Variants in DHX57 observed in about 807,000 individuals in gnomAD.
DHX57 encodes DExH-box helicase 57.
A neutral mutation model predicts 156.2 loss-of-function variants in DHX57; 105 were observed. That is an observed-to-expected ratio of 0.67 (90% CI 0.57 to 0.79). DHX57 has a LOEUF of 0.79. Among genes scored for constraint, DHX57 ranks in the 30% least tolerant of loss-of-function variants. The probability of loss-of-function intolerance (pLI) is 0.00; values close to 1 mark genes in which losing one functional copy is unlikely to be tolerated. For missense variants in DHX57, 1,847 were observed against 1,661.9 expected (o/e 1.11, Z -1.94); for synonymous variants, 704 against 595.6 (o/e 1.18, Z -2.65).
intron 21 of DHX57, 117 bp from the exon 22 acceptor site, chr2:38,806,810 G>T: frequency 1.2e-5 from 11 of 934,504 alleles, no homozygotes; most frequent in African/African-American, 1.7e-5. Context: ...TAGCTTTCCT[G>T]TTTGTTCCCT....
chr2:38,851,185 A>G (rs151296201), intron 9 of DHX57, among the ~76,000 whole-genome samples: 1 of 152,294 alleles, frequency 6.6e-6, no homozygotes, highest in East Asian at 1.9e-4. Flanking sequence ...CTCTCTTTCT[A>G]CCATATCCCT....
At chr2:38,858,910 A>G in intron 5 of DHX57, 74 bp from the exon 6 acceptor site, 1 of 1,458,190 alleles carries the variant, frequency 6.9e-7, no homozygotes, top group Non-Finnish European at 9.2e-7. Context: ...GCTGTCTAAC[A>G]GAGTATCAAC....
intron 21 of DHX57, among the ~76,000 whole-genome samples, chr2:38,807,783 G>C (rs1250624686): frequency 2.0e-5 from 3 of 151,866 alleles, no homozygotes; most frequent in African/African-American, 4.8e-5. Flanking sequence ...AAGTAGCTGG[G>C]ATTACAGGCA....
chr2:38,821,024 A>G (rs972693939), intron 17 of DHX57, among the ~76,000 whole-genome samples: 9 of 152,136 alleles, frequency 5.9e-5, no homozygotes, highest in African/African-American at 1.4e-4. Context: ...AAATAATACA[A>G]ATATGTTCTC....
chr2:38,851,815 A>T (rs1178288116), intron 9 of DHX57, among the ~76,000 whole-genome samples: 1 of 152,208 alleles, frequency 6.6e-6, no homozygotes, highest in East Asian at 1.9e-4. Flanking sequence ...AAATACCATT[A>T]ATCTGAGAGA....
intron 14 of DHX57, among the ~76,000 whole-genome samples, chr2:38,827,481 G>A (rs1384192127): frequency 1.4e-4 from 1 of 7,126 alleles, no homozygotes; most frequent in African/African-American, 2.5e-4. Flanking sequence ...GCGAGACTCT[G>A]TCTCAAAAAA....
rs1486551123 is a variant in DHX57 at position 38,828,383 on chromosome 2, G to A, written c.2596C>T (p.Gln866Ter). The change falls in exon 14 of 24, where the codon CAG becomes TAG. Residue 866 changes from glutamine (Q) to a stop codon, truncating the protein, a stop_gained. Coordinates refer to ENST00000457308, the MANE Select transcript of DHX57 (RefSeq NM_198963.3). LOFTEE classifies it high-confidence loss of function. ...TTGAAAAGAGAATTAGACTGTAGCT[G>A]TTCATAAAGCATTTTGATTTCTGCT... The part of the protein sequence containing the change: ...GLAEIKMLYE[Q>*]LQSNSLFNNR... 1 of 1,613,550 alleles carries A rather than the reference G, an allele frequency of 6.2e-7. No homozygotes were observed. Among genetic ancestry groups the A allele is most frequent in the East Asian group, 2.2e-5 (1 of 44,842 alleles).
intron 13 of DHX57, among the ~76,000 whole-genome samples, chr2:38,832,927 G>A (rs1259214797): frequency 2.0e-5 from 3 of 150,608 alleles, no homozygotes; most frequent in African/African-American, 7.3e-5. Context: ...CCTAAATGCT[G>A]TAGGCACTGT....
At chr2:38,818,983 C>A in intron 18 of DHX57, 23 bp from the exon 19 acceptor site, 1 of 1,614,166 alleles carries the variant, frequency 6.2e-7, no homozygotes, top group Non-Finnish European at 8.5e-7. Context: ...GAAAATCAAA[C>A]TGAACTTACT....
At chr2:38,835,859 G>T (rs1017357697) in intron 13 of DHX57, among the ~76,000 whole-genome samples, 2 of 152,214 alleles carry the variant, frequency 1.3e-5, no homozygotes, top group Non-Finnish European at 2.9e-5. Context: ...TCATAAAAGA[G>T]ACTATGGATA....
intron 1 of DHX57, among the ~76,000 whole-genome samples, chr2:38,870,048 G>C (rs149618513): frequency 6.6e-5 from 10 of 152,194 alleles, no homozygotes; most frequent in African/African-American, 2.2e-4. Flanking sequence ...TTCTGGAGTT[G>C]AAAAGTATAC....
chr2:38,813,708 T>G, intron 21 of DHX57, 113 bp downstream of exon 21: 1 of 1,249,408 alleles, frequency 8.0e-7, no homozygotes. Context: ...TGTGCGTGTG[T>G]GCACACATGC....
In DHX57 at chr2:38,875,771, G is replaced by A; in HGVS notation, c.-7+16C>T. 2.8e-6 allele frequency: 1 copy of A among 357,682 alleles called. No homozygotes were observed. Among genetic ancestry groups the A allele is most frequent in the African/African-American group, 2.1e-5 (1 of 47,942 alleles). The allele number at this position is 357,682 out of a possible 1,614,324, so 22.2% of individuals were successfully genotyped here. ...GCACAACGCGCATCACTTGTCCGCA[G>A]AAGTGGAAGACGTACCTGGCTCGCA... On this transcript the variant is annotated intron_variant, in intron 1 of 23. Transcript: ENST00000457308.
At chr2:38,848,215 A>G in intron 10 of DHX57, 54 bp downstream of exon 10, 1 of 1,490,240 alleles carries the variant, frequency 6.7e-7, no homozygotes, top group Non-Finnish European at 9.0e-7. Flanking sequence ...AAACTTTAAA[A>G]TAATTATATT....
At chr2:38,811,299 C>T (rs1012181414) in intron 21 of DHX57, 1 of 524,232 alleles carries the variant, frequency 1.9e-6, no homozygotes, top group Admixed American at 2.2e-5. Flanking sequence ...TCAAACCAGA[C>T]CTGATCGTTC....
At position 38,802,772 on chromosome 2, in the gene DHX57, T is replaced by C; in HGVS notation, c.3960A>G (p.Gly1320=). The change falls in exon 23 of 24, where the codon GGA becomes GGG. Residue 1320 remains glycine, a synonymous_variant. Transcript: ENST00000457308. Reference sequence around the variant, plus strand: ...CATCATCCAGGGAGACAACGAACTCTCCTCTTTGAAGCTGCACATTCACTT... The same window carrying C: ...CATCATCCAGGGAGACAACGAACTCCCCTCTTTGAAGCTGCACATTCACTT... ...GGQVNVQLQR[G]EFVVSLDDGW... 3.1e-6 allele frequency: 5 copies of C among 1,614,088 alleles called. No homozygotes were observed. Among genetic ancestry groups the C allele is most frequent in the Non-Finnish European group, 4.2e-6 (5 of 1,180,006 alleles).
In DHX57 at chr2:38,861,657, C is replaced by G. The variant is rs763872946; in HGVS notation, c.753G>C (p.Glu251Asp). The change falls in exon 5 of 24, where the codon GAG becomes GAC. Residue 251 changes from glutamate to aspartate, a missense_variant. By Grantham distance (45) the Glu-to-Asp change is conservative. Transcript: ENST00000457308. ...LDECMEQRQE[E>D]AFALKSICGE... ...CACAGATGGACTTGAGAGCAAATGC[C>G]TCTTCCTGTCGCTGTTCCATACACT... 14 of 1,614,158 alleles carry G rather than the reference C, an allele frequency of 8.7e-6. No individual in the cohort carries two copies. In the South Asian group the frequency reaches 1.5e-4, roughly 18 times the overall value.
chr2:38,854,592 G>T (rs6732083), intron 8 of DHX57: 7 of 139,196 alleles, frequency 5.0e-5, no homozygotes, highest in Admixed American at 7.0e-5. Flanking sequence ...ACAGAATTTT[G>T]CTCTTTTTGC....
intron 22 of DHX57, among the ~76,000 whole-genome samples, chr2:38,805,101 A>C (rs955609702): frequency 6.6e-6 from 1 of 152,208 alleles, no homozygotes; most frequent in Non-Finnish European, 1.5e-5. Flanking sequence ...TTGGATTCTC[A>C]AAAGAGGAGT....
Sources: gnomAD v4.1 joint callset for allele counts (sites outside exome capture counted in the v4.1 genomes callset) on GRCh38, gnomAD v4.1.1 for gene constraint, MANE v1.5 for transcripts, NCBI Gene and HGNC (gene_info 2026-07-23, HGNC 2026-07-21) for gene names.